ADGRL4: variants seen among roughly 807,000 people sequenced by gnomAD.
ADGRL4 encodes the protein EGF, latrophilin and seven transmembrane domain containing 1.
In ADGRL4, 90 loss-of-function variants were observed where a neutral mutation model predicts 74.8. The observed-to-expected ratio is 1.20, with a 90% CI of 1.02 to 1.43. The LOEUF is 1.43. Ranked by LOEUF, ADGRL4 falls within the 40% of genes most tolerant of loss-of-function variation. The pLI, the probability that ADGRL4 is intolerant of heterozygous loss-of-function variation, is 0.00. For synonymous variants in ADGRL4, 311 were observed against 279.2 expected (o/e 1.11, Z -1.14); for missense variants, 881 against 814.3 (o/e 1.08, Z -1.00).
At chr1:78,965,913 G>T (rs945579938) in intron 2 of ADGRL4, among the ~76,000 whole-genome samples, 1 of 150,924 alleles carries the variant, frequency 6.6e-6, no homozygotes, top group African/African-American at 2.4e-5. Flanking sequence ...TATCTCAAAT[G>T]AATGTTTTGC....
intron 2 of ADGRL4, among the ~76,000 whole-genome samples, chr1:78,980,142 C>T (rs1037913012): frequency 2.6e-5 from 4 of 151,784 alleles, no homozygotes; most frequent in Non-Finnish European, 1.5e-5. Context: ...GCTGCACTCA[C>T]ACGCAGATAA....
chr1:78,976,675 A>G (rs1446123251), intron 2 of ADGRL4, among the ~76,000 whole-genome samples: 1 of 151,474 alleles, frequency 6.6e-6, no homozygotes, highest in Non-Finnish European at 1.5e-5. Flanking sequence ...CCAACGCTTG[A>G]CTTAGACAAA....
intron 12 of ADGRL4, among the ~76,000 whole-genome samples, chr1:78,916,168 A>T (rs1648868862): frequency 6.6e-6 from 1 of 151,916 alleles, no homozygotes; most frequent in Non-Finnish European, 1.5e-5. Context: ...TTAGCCTTAC[A>T]CAAGCAACTG....
At chr1:78,913,098 C>T (rs1055402585) in intron 12 of ADGRL4, among the ~76,000 whole-genome samples, 9 of 151,930 alleles carry the variant, frequency 5.9e-5, no homozygotes, top group Non-Finnish European at 1.3e-4. Flanking sequence ...TATCATCTCA[C>T]ACCAGTCAGA....
intron 12 of ADGRL4, among the ~76,000 whole-genome samples, chr1:78,909,710 C>T (rs2100661727): frequency 6.6e-6 from 1 of 151,860 alleles, no homozygotes; most frequent in South Asian, 2.1e-4. Flanking sequence ...GTTGGTGAAC[C>T]TATCAATTGA....
chr1:78,912,464 C>T (rs1648781507), intron 12 of ADGRL4, among the ~76,000 whole-genome samples: 2 of 151,826 alleles, frequency 1.3e-5, no homozygotes, highest in East Asian at 3.9e-4. Flanking sequence ...GCAGCATTAG[C>T]TTCTCATAGG....
chr1:78,939,523 T>G (rs1649431550), intron 3 of ADGRL4: 1 of 216,430 alleles, frequency 4.6e-6, no homozygotes, highest in Admixed American at 5.8e-5. Flanking sequence ...ATTTCTTTGT[T>G]CCATAGAAGA....
intron 2 of ADGRL4, among the ~76,000 whole-genome samples, chr1:78,956,295 G>A (rs1161111384): frequency 6.6e-6 from 1 of 152,094 alleles, no homozygotes; most frequent in African/African-American, 2.4e-5. Flanking sequence ...TCGGATACAT[G>A]TCCCATACCT....
intron 12 of ADGRL4, among the ~76,000 whole-genome samples, chr1:78,916,670 C>T (rs1171353983): frequency 6.6e-6 from 1 of 151,758 alleles, no homozygotes; most frequent in Non-Finnish European, 1.5e-5. Context: ...CATTTCAGGT[C>T]CTTCTCCATT....
intron 2 of ADGRL4, among the ~76,000 whole-genome samples, chr1:79,003,813 G>T (rs1650891306): frequency 6.6e-6 from 1 of 151,936 alleles, no homozygotes; most frequent in Non-Finnish European, 1.5e-5. Context: ...TATTTTGAAG[G>T]TCACTCAACT....
chr1:78,935,145 G>A (rs61770680), intron 7 of ADGRL4, among the ~76,000 whole-genome samples: 9,110 of 152,172 alleles, frequency 0.06, 295 homozygotes, highest in South Asian at 0.097. Flanking sequence ...CAAATTTATG[G>A]AACCAACCCA....
At chr1:78,920,455 T>C in intron 9 of ADGRL4, 69 bp from the exon 10 acceptor site, 2 of 879,594 alleles carry the variant, frequency 2.3e-6, no homozygotes, top group Non-Finnish European at 3.4e-6. Flanking sequence ...CTACAACATA[T>C]AATGAACTTC....
At chr1:78,969,075 G>T (rs1027958598) in intron 2 of ADGRL4, among the ~76,000 whole-genome samples, 1 of 152,104 alleles carries the variant, frequency 6.6e-6, no homozygotes, top group Non-Finnish European at 1.5e-5. Flanking sequence ...GAGTCAAGGG[G>T]ATTTATTTTG....
chr1:78,982,389 A>G (rs912408237), intron 2 of ADGRL4, among the ~76,000 whole-genome samples: 11 of 151,904 alleles, frequency 7.2e-5, no homozygotes, highest in Non-Finnish European at 1.6e-4. Context: ...CAAGAAACCC[A>G]TTTCAAAGTG....
chr1:78,966,329 A>G (rs1478064057), intron 2 of ADGRL4, among the ~76,000 whole-genome samples: 1 of 152,110 alleles, frequency 6.6e-6, no homozygotes, highest in Non-Finnish European at 1.5e-5. Flanking sequence ...TTTTTGCCTA[A>G]TAAATTCCAT....
intron 2 of ADGRL4, among the ~76,000 whole-genome samples, chr1:78,970,801 G>A (rs1278060814): frequency 1.3e-5 from 2 of 152,110 alleles, no homozygotes; most frequent in African/African-American, 2.4e-5. Flanking sequence ...AGTACTATGG[G>A]ACACTCCCCT....
rs1360231692 is a variant in ADGRL4 at position 78,918,038 on chromosome 1, T to C, written c.1474A>G (p.Ile492Val). Residue 492 changes from isoleucine to valine, a missense_variant, in exon 11 of 15, where the codon ATC (isoleucine) becomes GTC (valine). Physicochemically the swap from Ile to Val is conservative, Grantham distance 29. Coordinates refer to ENST00000370742, the MANE Select transcript of ADGRL4 (RefSeq NM_022159.4). ...AAGTAGTGTAGCAGTCCGGCAATGATTGAACAGAAGAGCTAGAAATCAAAG... is the reference window on the plus strand; with the variant it reads ...AAGTAGTGTAGCAGTCCGGCAATGACTGAACAGAAGAGCTAGAAATCAAAG... ...NTNTNKLFCS[I>V]IAGLLHYFFL... 2 of 1,609,700 alleles carry C rather than the reference T, an allele frequency of 1.2e-6. No individual in the cohort carries two copies. The highest frequency in any genetic ancestry group is 1.7e-6 in the Non-Finnish European group (2 of 1,177,604).
Position 78,939,213 on chromosome 1 carries a change from G to A in ADGRL4, c.371C>T (p.Ala124Val), listed in dbSNP as rs751176429. 49 of 1,561,270 alleles carry A rather than the reference G, an allele frequency of 3.1e-5. No individual in the cohort carries two copies. The South Asian group carries it at 4.4e-4, about 14-fold the overall frequency. Residue 124 changes from alanine to valine, a missense_variant, in exon 4 of 15, where the codon GCA becomes GTA. Physicochemically the swap from Ala to Val is moderately conservative, Grantham distance 64 (BLOSUM62 0). Transcript: ENST00000370742. ...TTTTGTTAAAGTTTTATTAATATTT[G>A]CAGCTATACAGACATTATCTAAATG... ...NCHLDNVCIA[A>V]NINKTLTKIR...
At chr1:78,926,809 TTAAG>T in intron 8 of ADGRL4, 73 bp downstream of exon 8, 1 of 1,051,272 alleles carries the variant, frequency 9.5e-7, no homozygotes, top group Non-Finnish European at 1.4e-6. Flanking sequence ...CTCAGATAAT[TTAAG>T]TGACACAACA....
Sources: gnomAD v4.1 joint callset for allele counts (sites outside exome capture counted in the v4.1 genomes callset) on GRCh38, gnomAD v4.1.1 for gene constraint, MANE v1.5 for transcripts, NCBI Gene and HGNC (gene_info 2026-07-23, HGNC 2026-07-21) for gene names.